The following CCDC88C variants were observed in gnomAD, a reference collection of about 807,000 sequenced individuals.
The protein encoded by CCDC88C is coiled-coil and HOOK domain protein 88C, also known as protein Daple.
Under a neutral mutation model 198.8 loss-of-function variants are expected in CCDC88C, and 131 were observed. The observed-to-expected ratio is 0.66, with a 90% CI of 0.57 to 0.76. CCDC88C has a LOEUF of 0.76. CCDC88C is among the 30% of genes least tolerant of loss of function. CCDC88C has a pLI of 0.00. For synonymous variants in CCDC88C, 1,166 were observed against 1,114.7 expected (o/e 1.05, Z -0.92); for missense variants, 2,553 against 2,631.6 (o/e 0.97, Z 0.65).
Position 91,310,003 on chromosome 14 carries a change from A to G in CCDC88C, c.2737-17T>C. On this transcript the variant is annotated splice_polypyrimidine_tract_variant and intron_variant, in intron 15 of 29. Transcript: ENST00000389857. ...CACCAGGTCCTGGAATGATGGGGAG[A>G]GAGCACTGGATAGGAGCTCAGCAAA... 6.3e-7 allele frequency: 1 copy of G among 1,577,656 alleles called. No homozygotes were observed. Among genetic ancestry groups the G allele is most frequent in the Non-Finnish European group, 8.6e-7 (1 of 1,161,016 alleles).
intron 13 of CCDC88C, among the ~76,000 whole-genome samples, chr14:91,317,896 A>G (rs1226421726): frequency 6.6e-6 from 1 of 152,256 alleles, no homozygotes. Flanking sequence ...CACAGCAGAC[A>G]GGACAGGGCA....
intron 23 of CCDC88C, among the ~76,000 whole-genome samples, chr14:91,291,957 C>T (rs1890680481): frequency 6.6e-6 from 1 of 152,190 alleles, no homozygotes; most frequent in Non-Finnish European, 1.5e-5. Context: ...CGGAGCCGCG[C>T]TGCCCATGGT....
intron 3 of CCDC88C, among the ~76,000 whole-genome samples, chr14:91,377,986 GTTCT>G (rs1567109280): frequency 2.0e-5 from 3 of 151,582 alleles, no homozygotes; most frequent in East Asian, 1.9e-4. Flanking sequence ...GAGACTGGGG[GTTCT>G]TTAAGTAAGG....
chr14:91,286,846 A>C (rs1201040324), intron 25 of CCDC88C, among the ~76,000 whole-genome samples: 1 of 152,162 alleles, frequency 6.6e-6, no homozygotes, highest in Non-Finnish European at 1.5e-5. Context: ...ACCCAAAGCA[A>C]ATGTTTTACA....
chr14:91,339,233 T>C lies in CCDC88C; in HGVS notation c.809+45A>G. The C allele has an allele frequency of 6.9e-6, 11 of 1,604,004 alleles. No individual in the cohort carries two copies. The highest frequency in any genetic ancestry group is 1.1e-5 in the South Asian group (1 of 89,760). ...GTGAGTCGACACCACACCAGAAACA[T>C]GTCTGCAACACACACAAAGGTAGGA... On this transcript the variant is annotated intron_variant, in intron 8 of 29. Coordinates refer to ENST00000389857, the MANE Select transcript of CCDC88C (RefSeq NM_001080414.4). This position sits in a 1 kb window ranked among gnomAD's most constrained non-coding sequence, Gnocchi z 5.8.
Position 91,305,804 on chromosome 14 carries a change from C to G in CCDC88C, c.3318G>C (p.Glu1106Asp). The G allele has an allele frequency of 1.2e-6, 2 of 1,613,766 alleles. No homozygotes were observed. Among genetic ancestry groups the G allele is most frequent in the Non-Finnish European group, 1.7e-6 (2 of 1,179,668 alleles). Residue 1106 changes from glutamate (E) to aspartate (D), a missense_variant, in exon 19 of 30, where the codon GAG becomes GAC. By Grantham distance (45) the Glu-to-Asp change is conservative. Around this residue, in one of 2 missense-constraint regions of CCDC88C, gnomAD observed 1,260 missense variants for 1,412.0 expected, o/e 0.89. Coordinates refer to ENST00000389857, the MANE Select transcript of CCDC88C (RefSeq NM_001080414.4). Reference sequence around the variant, plus strand: ...TCTGGGTCTGCAGTGTGGTGTTGTGCTCCTGCAGGAAGGCGCTCTGTTTCT... The same window carrying G: ...TCTGGGTCTGCAGTGTGGTGTTGTGGTCCTGCAGGAAGGCGCTCTGTTTCT... ...TLQKQSAFLQEHNTTLQTQTA... is the reference protein window; with the variant it reads ...TLQKQSAFLQDHNTTLQTQTA...
chr14:91,312,073 A>G (rs562756807), intron 15 of CCDC88C, among the ~76,000 whole-genome samples: 2 of 152,202 alleles, frequency 1.3e-5, no homozygotes, highest in African/African-American at 2.4e-5. Context: ...CATCTAAAAA[A>G]TAATTACAGT....
At chr14:91,375,345 A>G (rs1365928091) in intron 3 of CCDC88C, among the ~76,000 whole-genome samples, 1 of 152,152 alleles carries the variant, frequency 6.6e-6, no homozygotes, top group Non-Finnish European at 1.5e-5. Flanking sequence ...GGACAGAAAC[A>G]ATGCCCTTCA....
chr14:91,336,718 G>A (rs952899648), intron 10 of CCDC88C, among the ~76,000 whole-genome samples: 3 of 152,204 alleles, frequency 2.0e-5, no homozygotes, highest in African/African-American at 7.2e-5. Flanking sequence ...AGGAGGTAAG[G>A]AGCCTTAGCA....
chr14:91,292,626 A>C (rs2139750085), intron 23 of CCDC88C, among the ~76,000 whole-genome samples: 1 of 152,240 alleles, frequency 6.6e-6, no homozygotes, highest in East Asian at 1.9e-4. Context: ...CACTGTGACC[A>C]CAGTGACCAC....
chr14:91,416,311 C>T (rs1422336891), intron 2 of CCDC88C, among the ~76,000 whole-genome samples: 4 of 152,182 alleles, frequency 2.6e-5, no homozygotes, highest in Non-Finnish European at 2.9e-5. Context: ...GAAACACAGA[C>T]ACCCTCATCT....
intron 29 of CCDC88C, among the ~76,000 whole-genome samples, chr14:91,276,876 C>A (rs1305480406): frequency 6.6e-6 from 1 of 152,220 alleles, no homozygotes; most frequent in African/African-American, 2.4e-5. Flanking sequence ...TGTCAACAGG[C>A]AGTGTTTAGG....
chr14:91,417,014 T>C (rs1317673243), intron 1 of CCDC88C, 176 bp from the exon 2 acceptor site: 2 of 688,784 alleles, frequency 2.9e-6, no homozygotes, highest in Non-Finnish European at 5.3e-6. Context: ...CTGTCTCCCC[T>C]CCCCGCGCGG....
chr14:91,386,077 C>T (rs914623543), intron 3 of CCDC88C, among the ~76,000 whole-genome samples: 1 of 152,080 alleles, frequency 6.6e-6, no homozygotes, highest in Non-Finnish European at 1.5e-5. Flanking sequence ...ACAATACTTC[C>T]TGAACCATCT....
In CCDC88C at chr14:91,402,011, A is replaced by G. The variant is rs188559469; in HGVS notation, c.270+6648T>C. 1.9e-4 allele frequency among the ~76,000 whole-genome samples: 29 copies of G among 152,328 alleles called. No homozygotes were observed. The East Asian group carries it at 1.9e-3, about 10-fold the overall frequency. ...GACAAAAGATTTTCCATGGTGGATC[A>G]TGCCTGTAATCCCAGCACTTTGAGA... On this transcript the variant is annotated intron_variant, in intron 3 of 29. Transcript: ENST00000389857.
chr14:91,287,934 G>A (rs1416151782), intron 25 of CCDC88C, among the ~76,000 whole-genome samples: 2 of 152,182 alleles, frequency 1.3e-5, no homozygotes, highest in Non-Finnish European at 2.9e-5. Context: ...TAAGGTAAAT[G>A]CTGTGTCTAA....
chr14:91,368,007 T>C (rs530793542), intron 3 of CCDC88C, among the ~76,000 whole-genome samples: 10 of 152,286 alleles, frequency 6.6e-5, no homozygotes, highest in African/African-American at 2.4e-4. Flanking sequence ...CGGCACTTTC[T>C]ACACTGTGCC....
chr14:91,372,455 A>G lies in CCDC88C; in HGVS notation c.271-12744T>C, dbSNP rs548354290. On this transcript the variant is annotated intron_variant, in intron 3 of 29. Transcript: ENST00000389857. ...AGAGCGGGGAATCCAGAAAAGCTCC[A>G]AGAAGGAGGTGGCCGGAAGCTGAAA... Among the ~76,000 whole-genome samples the G allele has an allele frequency of 2.4e-3, 345 of 143,714 alleles. 1 individual carries two copies. Among genetic ancestry groups the G allele is most frequent in the African/African-American group, 8.4e-3 (331 of 39,204 alleles). 94.3% of individuals were successfully genotyped at this position (143,714 alleles called of 152,430 possible).
intron 4 of CCDC88C, among the ~76,000 whole-genome samples, chr14:91,351,572 G>T (rs553343592): frequency 6.6e-6 from 1 of 152,182 alleles, no homozygotes; most frequent in African/African-American, 2.4e-5. Context: ...GCACCTCTAC[G>T]CACGGGCTCA....
Sources: gnomAD v4.1 joint callset for allele counts (sites outside exome capture counted in the v4.1 genomes callset) on GRCh38, gnomAD v4.1.1 for gene constraint, gnomAD v4.1.1 regional missense constraint, Gnocchi (gnomAD v3.1) non-coding constraint, MANE v1.5 for transcripts, NCBI Gene and HGNC (gene_info 2026-07-23, HGNC 2026-07-21) for gene names.